Variants in KIF26B observed in about 807,000 individuals in gnomAD.
KIF26B encodes kinesin-like protein KIF26B.
KIF26B carries 63 observed loss-of-function variants against 151.2 expected under a neutral mutation model. The ratio of observed to expected loss-of-function variants is 0.42; its 90% CI spans 0.34 to 0.51. The LOEUF is 0.51. Among genes scored for constraint, KIF26B ranks in the 20% least tolerant of loss-of-function variants. The pLI is 0.07. For synonymous variants in KIF26B, 1,357 were observed against 1,262.1 expected (o/e 1.08, Z -1.59); for missense variants, 2,813 against 2,913.6 (o/e 0.97, Z 0.79).
At chr1:245,407,505 G>A (rs113586599) in intron 3 of KIF26B, among the ~76,000 whole-genome samples, 7 of 149,128 alleles carry the variant, frequency 4.7e-5, no homozygotes, top group African/African-American at 1.0e-4. Flanking sequence ...TTTGTTCCTT[G>A]TTTGCCCTTT....
chr1:245,348,122 C>G (rs934127563), intron 2 of KIF26B, among the ~76,000 whole-genome samples: 3 of 152,200 alleles, frequency 2.0e-5, no homozygotes, highest in Non-Finnish European at 4.4e-5. Context: ...GTTTTCTGAA[C>G]ATCACTTTTT....
At chr1:245,574,885 A>T (rs1288858453) in intron 5 of KIF26B, among the ~76,000 whole-genome samples, 1 of 118,562 alleles carries the variant, frequency 8.4e-6, no homozygotes, top group African/African-American at 3.4e-5. Context: ...TTTTTTTGAG[A>T]CAGAGTCTTG....
At chr1:245,264,904 A>C (rs147678998) in intron 2 of KIF26B, among the ~76,000 whole-genome samples, 2,560 of 149,542 alleles carry the variant, frequency 0.017, 43 homozygotes, top group African/African-American at 0.035. Context: ...AAAAAAACAA[A>C]AAAAAAGAGC....
chr1:245,330,651 T>G (rs1328537067), intron 2 of KIF26B, among the ~76,000 whole-genome samples: 30 of 2,888 alleles, frequency 0.01, no homozygotes, highest in Admixed American at 0.032. Context: ...GGGGAGGGAG[T>G]AGGGGGGTAA....
intron 2 of KIF26B, among the ~76,000 whole-genome samples, chr1:245,344,093 C>CT (rs1672390477): frequency 6.6e-6 from 1 of 151,282 alleles, no homozygotes; most frequent in Non-Finnish European, 1.5e-5. Flanking sequence ...GCCTCCCTCC[C>CT]TCCCTCTTTT....
intron 4 of KIF26B, among the ~76,000 whole-genome samples, chr1:245,441,613 C>T (rs189291979): frequency 8.4e-4 from 127 of 152,006 alleles, no homozygotes; most frequent in Middle Eastern, 3.4e-3. Context: ...ACGCAGACCC[C>T]GGGAAGAGGA....
At chr1:245,458,626 T>A (rs770770176) in intron 4 of KIF26B, among the ~76,000 whole-genome samples, 1 of 152,182 alleles carries the variant, frequency 6.6e-6, no homozygotes, top group Non-Finnish European at 1.5e-5. Context: ...TCAAATAAAA[T>A]TTTTTAGGAG....
At chr1:245,641,214 C>T (rs533354083) in intron 9 of KIF26B, among the ~76,000 whole-genome samples, 1 of 151,936 alleles carries the variant, frequency 6.6e-6, no homozygotes, top group Non-Finnish European at 1.5e-5. Context: ...ATTTGATGTC[C>T]GTTGTATGTT....
intron 12 of KIF26B, among the ~76,000 whole-genome samples, chr1:245,692,574 C>T (rs568083411): frequency 2.1e-4 from 32 of 152,048 alleles, no homozygotes; most frequent in Non-Finnish European, 4.3e-4. Context: ...AAGGAGGGAC[C>T]GTCCCAGCAA....
At chr1:245,489,200 A>G (rs1660345777) in intron 4 of KIF26B, among the ~76,000 whole-genome samples, 1 of 152,166 alleles carries the variant, frequency 6.6e-6, no homozygotes, top group Non-Finnish European at 1.5e-5. Context: ...GATTTCTGGC[A>G]TTTTCTTGAA....
chr1:245,364,746 C>T (rs1022038839), intron 2 of KIF26B, among the ~76,000 whole-genome samples: 1 of 152,126 alleles, frequency 6.6e-6, no homozygotes, highest in Non-Finnish European at 1.5e-5. Context: ...GAGCTGCCTC[C>T]TTTCTGTGGC....
chr1:245,460,301 G>T (rs970138024), intron 4 of KIF26B, among the ~76,000 whole-genome samples: 2 of 151,970 alleles, frequency 1.3e-5, no homozygotes, highest in Admixed American at 6.6e-5. Context: ...TTTTGTTTTT[G>T]TTTTTCCAGA....
intron 4 of KIF26B, among the ~76,000 whole-genome samples, chr1:245,530,950 A>G (rs1384179657): frequency 6.6e-6 from 1 of 152,166 alleles, no homozygotes; most frequent in African/African-American, 2.4e-5. Flanking sequence ...GATTCGTTTT[A>G]AGCAGCTTCC....
intron 3 of KIF26B, among the ~76,000 whole-genome samples, chr1:245,374,119 ATATATATATATATATATATG>A (rs1301898263): frequency 2.2e-5 from 2 of 91,636 alleles, no homozygotes; most frequent in African/African-American, 4.3e-5. Context: ...ATATATATAT[ATATATATATATATATATATG>A]GGCACAAAAG....
chr1:245,328,984 T>A (rs1409156577), intron 2 of KIF26B, among the ~76,000 whole-genome samples: 2 of 152,258 alleles, frequency 1.3e-5, no homozygotes, highest in Non-Finnish European at 2.9e-5. Flanking sequence ...TATTTTTCTC[T>A]AATTTTCTGT....
chr1:245,494,076 G>C (rs968650584), intron 4 of KIF26B, among the ~76,000 whole-genome samples: 2 of 152,090 alleles, frequency 1.3e-5, no homozygotes, highest in African/African-American at 2.4e-5. Context: ...GGCCGAGGTG[G>C]GTGGATCACC....
At chr1:245,309,565 C>T (rs555491211) in intron 2 of KIF26B, among the ~76,000 whole-genome samples, 6 of 151,844 alleles carry the variant, frequency 4.0e-5, no homozygotes, top group East Asian at 1.9e-4. Flanking sequence ...TCTCTTGGGT[C>T]GCCAGCTGGC....
Position 245,678,692 on chromosome 1 carries a change from T to A in KIF26B, c.2259-5541T>A, listed in dbSNP as rs544614998. Reference sequence around the variant, plus strand: ...TCGTGGCCAACATGGTGAAATCCCGTCTCTACTAAAAAATACAAAAAATTG... The same window carrying A: ...TCGTGGCCAACATGGTGAAATCCCGACTCTACTAAAAAATACAAAAAATTG... On this transcript the variant is annotated intron_variant, in intron 10 of 14. Transcript: ENST00000407071. 1.5e-4 allele frequency among the ~76,000 whole-genome samples: 23 copies of A among 151,530 alleles called. No homozygotes were observed. In the East Asian group the frequency reaches 1.6e-3, roughly 10 times the overall value.
intron 4 of KIF26B, among the ~76,000 whole-genome samples, chr1:245,498,577 T>C (rs1660557323): frequency 6.6e-6 from 1 of 152,200 alleles, no homozygotes; most frequent in South Asian, 2.1e-4. Flanking sequence ...CAGAGGGCAC[T>C]CAATCATGTA....
Sources: gnomAD v4.1 joint callset for allele counts (sites outside exome capture counted in the v4.1 genomes callset) on GRCh38, gnomAD v4.1.1 for gene constraint, MANE v1.5 for transcripts, NCBI Gene and HGNC (gene_info 2026-07-23, HGNC 2026-07-21) for gene names.